The following SEMA6D variants were observed in gnomAD, a reference collection of about 807,000 sequenced individuals.
The protein encoded by SEMA6D is semaphorin 6D.
In SEMA6D, 35 loss-of-function variants were observed where a neutral mutation model predicts 106.6. The observed-to-expected ratio is 0.33, with a 90% CI of 0.25 to 0.44. The LOEUF (loss-of-function observed/expected upper bound fraction) is 0.44. Among genes scored for constraint, SEMA6D ranks in the 20% least tolerant of loss-of-function variants. The pLI, the probability that SEMA6D is intolerant of heterozygous loss-of-function variation, is 1.00. For missense variants in SEMA6D, 1,185 were observed against 1,345.9 expected (o/e 0.88, Z 1.87); for synonymous variants, 499 against 487.7 (o/e 1.02, Z -0.31).
intron 1 of SEMA6D, among the ~76,000 whole-genome samples, chr15:47,354,199 CTATA>C (rs58550689): frequency 0.27 from 18,811 of 69,874 alleles, 2,936 homozygotes; most frequent in African/African-American, 0.44. Flanking sequence ...CTCTCTCTCT[CTATA>C]TATATATATA....
intron 1 of SEMA6D, among the ~76,000 whole-genome samples, chr15:47,727,817 G>A (rs73394832): frequency 0.023 from 3,512 of 152,332 alleles, 153 homozygotes; most frequent in African/African-American, 0.082. Flanking sequence ...GATAAACTGA[G>A]ATAAGGGTAA....
chr15:47,409,454 A>G (rs537801247), intron 1 of SEMA6D, among the ~76,000 whole-genome samples: 1 of 152,296 alleles, frequency 6.6e-6, no homozygotes, highest in African/African-American at 2.4e-5. Flanking sequence ...CTTCCACCAT[A>G]ATGATATCTC....
chr15:47,752,980 C>T (rs947573855), intron 1 of SEMA6D, among the ~76,000 whole-genome samples: 7 of 150,884 alleles, frequency 4.6e-5, no homozygotes, highest in Non-Finnish European at 1.0e-4. Flanking sequence ...CTGCACTCCA[C>T]CCTGGGCAAC....
chr15:47,691,590 T>A (rs1229341462), intron 4 of SEMA6D, among the ~76,000 whole-genome samples: 1 of 152,148 alleles, frequency 6.6e-6, no homozygotes, highest in Non-Finnish European at 1.5e-5. Context: ...ATTTGAATAT[T>A]AGAGATTATA....
chr15:47,527,409 G>C (rs549957146), intron 3 of SEMA6D, among the ~76,000 whole-genome samples: 5 of 152,280 alleles, frequency 3.3e-5, no homozygotes, highest in African/African-American at 1.2e-4. Context: ...TTCTATGATA[G>C]CACATATAGA....
intron 1 of SEMA6D, among the ~76,000 whole-genome samples, chr15:47,193,923 T>G (rs1246847704): frequency 2.0e-5 from 3 of 152,162 alleles, no homozygotes; most frequent in Non-Finnish European, 4.4e-5. Flanking sequence ...GGTTAACTCT[T>G]TTCCCCTCTA....
rs2077144278 is a variant in SEMA6D, at chr15:47,623,380, C to A, written c.-55+22484C>A. Among the ~76,000 whole-genome samples the A allele has an allele frequency of 2.0e-5, 3 of 152,204 alleles. No individual in the cohort carries two copies. In the South Asian group the frequency reaches 6.2e-4, roughly 32 times the overall value. On this transcript the variant is annotated intron_variant, in intron 4 of 19. Coordinates refer to the SEMA6D transcript ENST00000558014. The stretch of plus-strand genomic sequence containing the variant: ...TACCTAAATTAACTCATTTATTCCT[C>A]CCAATAACCTCTTTTATATAGGTAA...
At chr15:47,543,214 A>T (rs182281972) in intron 3 of SEMA6D, among the ~76,000 whole-genome samples, 1 of 152,254 alleles carries the variant, frequency 6.6e-6, no homozygotes, top group East Asian at 1.9e-4. Flanking sequence ...AGTGCTACAG[A>T]GGAATCCTGG....
At chr15:47,228,182 G>A (rs1183165403) in intron 1 of SEMA6D, among the ~76,000 whole-genome samples, 1 of 114,038 alleles carries the variant, frequency 8.8e-6, no homozygotes, top group African/African-American at 3.2e-5. Flanking sequence ...ATAACCTTTT[G>A]TTACTTTAAC....
At chr15:47,221,480 T>G (rs2031203628) in intron 1 of SEMA6D, among the ~76,000 whole-genome samples, 1 of 152,212 alleles carries the variant, frequency 6.6e-6, no homozygotes, top group Non-Finnish European at 1.5e-5. Flanking sequence ...CCTAGGAGTT[T>G]TATCCTGGGG....
chr15:47,705,684 C>T (rs949951291), intron 4 of SEMA6D, among the ~76,000 whole-genome samples: 1 of 152,098 alleles, frequency 6.6e-6, no homozygotes, highest in Non-Finnish European at 1.5e-5. Context: ...CCCAATTCTT[C>T]TGAAGTACAG....
At chr15:47,343,289 G>A (rs954513081) in intron 1 of SEMA6D, among the ~76,000 whole-genome samples, 4 of 100,518 alleles carry the variant, frequency 4.0e-5, no homozygotes, top group African/African-American at 2.7e-4. Context: ...AAGTTTTAGG[G>A]TACATATGCA....
At chr15:47,500,988 T>C (rs1047508294) in intron 3 of SEMA6D, among the ~76,000 whole-genome samples, 12 of 152,260 alleles carry the variant, frequency 7.9e-5, no homozygotes, top group African/African-American at 2.6e-4. Flanking sequence ...ATAATTCTGG[T>C]TATCTCAGTT....
chr15:47,550,811 T>C (rs921360613), intron 3 of SEMA6D, among the ~76,000 whole-genome samples: 1 of 152,174 alleles, frequency 6.6e-6, no homozygotes, highest in East Asian at 1.9e-4. Context: ...GAGAAACCAA[T>C]GTCCTGTAAA....
At chr15:47,252,389 C>G (rs980640582) in intron 1 of SEMA6D, among the ~76,000 whole-genome samples, 4 of 152,152 alleles carry the variant, frequency 2.6e-5, no homozygotes, top group Non-Finnish European at 4.4e-5. Context: ...TTTATCATCT[C>G]TTTGTGGTGA....
intron 2 of SEMA6D, among the ~76,000 whole-genome samples, chr15:47,423,884 G>T (rs1038543613): frequency 6.6e-6 from 1 of 151,980 alleles, no homozygotes; most frequent in African/African-American, 2.4e-5. Flanking sequence ...CTTGCTCAAA[G>T]TACTAAATAA....
intron 3 of SEMA6D, among the ~76,000 whole-genome samples, chr15:47,482,984 C>G (rs1006992108): frequency 1.3e-5 from 2 of 152,066 alleles, no homozygotes; most frequent in Non-Finnish European, 2.9e-5. Context: ...TAGATACTTG[C>G]TCTTGTTGGT....
At chr15:47,498,035 A>G (rs1371593645) in intron 3 of SEMA6D, among the ~76,000 whole-genome samples, 5 of 152,140 alleles carry the variant, frequency 3.3e-5, no homozygotes, top group African/African-American at 1.2e-4. Context: ...CTCTTAAAGC[A>G]TGGTTCCAAT....
chr15:47,761,290 T>C (rs1180334826), intron 5 of SEMA6D, 40 bp from the exon 6 acceptor site: 3 of 1,609,956 alleles, frequency 1.9e-6, no homozygotes, highest in Non-Finnish European at 8.5e-7. Context: ...TGCCAGCATG[T>C]TCAAATGTCT....
Sources: gnomAD v4.1 joint callset for allele counts (sites outside exome capture counted in the v4.1 genomes callset) on GRCh38, gnomAD v4.1.1 for gene constraint, MANE v1.5 for transcripts, NCBI Gene and HGNC (gene_info 2026-07-23, HGNC 2026-07-21) for gene names.